SORCS3: variants seen among roughly 807,000 people sequenced by gnomAD.
SORCS3 encodes VPS10 domain-containing receptor SorCS3.
A neutral mutation model predicts 146.3 loss-of-function variants in SORCS3; 57 were observed. The ratio of observed to expected loss-of-function variants is 0.39; its 90% CI spans 0.31 to 0.49. The LOEUF (loss-of-function observed/expected upper bound fraction) is 0.49. Among genes scored for constraint, SORCS3 ranks in the 20% least tolerant of loss-of-function variants. SORCS3 has a pLI of 0.92. For missense variants in SORCS3, 1,341 were observed against 1,575.5 expected, an observed-to-expected ratio of 0.85 and a Z score of 2.52; for synonymous variants, 653 against 618.5, an observed-to-expected ratio of 1.06 and a Z score of -0.83.
chr10:104,996,944 T>C (rs2055031152), intron 4 of SORCS3, among the ~76,000 whole-genome samples: 1 of 152,014 alleles, frequency 6.6e-6, no homozygotes. Flanking sequence ...CGGGGATGTG[T>C]GGATGTTGAG....
At chr10:105,209,047 G>C (rs112932378) in intron 16 of SORCS3, among the ~76,000 whole-genome samples, 1 of 152,156 alleles carries the variant, frequency 6.6e-6, no homozygotes, top group Non-Finnish European at 1.5e-5. Flanking sequence ...TGGGCACTTG[G>C]GGCTACTCTC....
chr10:105,116,870 C>T (rs1021318686), intron 7 of SORCS3, among the ~76,000 whole-genome samples: 2 of 151,884 alleles, frequency 1.3e-5, no homozygotes, highest in South Asian at 2.1e-4. Context: ...AATGGTAGAC[C>T]CCGAGGCCTA....
chr10:105,216,572 C>T (rs116045197), intron 18 of SORCS3, among the ~76,000 whole-genome samples: 502 of 152,220 alleles, frequency 3.3e-3, no homozygotes, highest in African/African-American at 0.011. Flanking sequence ...TAACTATTAG[C>T]TGCTACTATG....
chr10:104,857,585 G>A (rs189371890), intron 2 of SORCS3, among the ~76,000 whole-genome samples: 325 of 152,280 alleles, frequency 2.1e-3, no homozygotes, highest in Non-Finnish European at 3.8e-3. Flanking sequence ...AATGAGGAAG[G>A]CAGGAAGTCA....
intron 1 of SORCS3, among the ~76,000 whole-genome samples, chr10:104,716,197 ATTTAT>A (rs2016476529): frequency 6.6e-6 from 1 of 151,900 alleles, no homozygotes; most frequent in Non-Finnish European, 1.5e-5. Flanking sequence ...TAATTTACTT[ATTTAT>A]TTTATGTATT....
intron 5 of SORCS3, among the ~76,000 whole-genome samples, chr10:105,057,135 T>C (rs2055450908): frequency 6.6e-6 from 1 of 152,176 alleles, no homozygotes; most frequent in Non-Finnish European, 1.5e-5. Context: ...CTTGGAAGCC[T>C]TATGGGTAGT....
chr10:104,787,898 A>T (rs1314802723), intron 1 of SORCS3, among the ~76,000 whole-genome samples: 1 of 152,182 alleles, frequency 6.6e-6, no homozygotes, highest in African/African-American at 2.4e-5. Context: ...AACAGGGCTT[A>T]CAATTGCAGA....
chr10:105,061,333 C>T (rs1457163814), intron 5 of SORCS3, among the ~76,000 whole-genome samples: 8 of 139,122 alleles, frequency 5.8e-5, no homozygotes, highest in African/African-American at 1.9e-4. Context: ...CTCGCTCTGT[C>T]ACCCAGGCTG....
chr10:104,852,767 C>T (rs1350173954), intron 2 of SORCS3, among the ~76,000 whole-genome samples: 1 of 152,202 alleles, frequency 6.6e-6, no homozygotes, highest in African/African-American at 2.4e-5. Context: ...GCTCCCTCCT[C>T]TTTATAATGA....
intron 1 of SORCS3, among the ~76,000 whole-genome samples, chr10:104,681,359 G>T (rs1249506078): frequency 1.3e-5 from 2 of 152,096 alleles, no homozygotes. Context: ...GCAGTGTGGG[G>T]GCTGCTGAGC....
intron 20 of SORCS3, among the ~76,000 whole-genome samples, chr10:105,226,492 A>G (rs961985450): frequency 1.3e-5 from 2 of 151,970 alleles, no homozygotes; most frequent in Non-Finnish European, 2.9e-5. Context: ...TCCTATATTC[A>G]TCGAGCCTAT....
At chr10:105,045,598 T>G (rs958275064) in intron 5 of SORCS3, among the ~76,000 whole-genome samples, 1 of 152,092 alleles carries the variant, frequency 6.6e-6, no homozygotes, top group Non-Finnish European at 1.5e-5. Flanking sequence ...AAGATATATG[T>G]TTTGTATAGG....
intron 1 of SORCS3, among the ~76,000 whole-genome samples, chr10:104,679,890 T>G (rs1390468286): frequency 1.3e-5 from 2 of 152,188 alleles, no homozygotes; most frequent in East Asian, 3.8e-4. Context: ...GCTATTGTGT[T>G]TTTTTAATTA....
chr10:104,659,233 G>T (rs1367496174), intron 1 of SORCS3, among the ~76,000 whole-genome samples: 1 of 152,054 alleles, frequency 6.6e-6, no homozygotes, highest in African/African-American at 2.4e-5. Flanking sequence ...TCCCTCTAAG[G>T]TCCTCTTAAA....
At chr10:104,668,185 G>A (rs1258268821) in intron 1 of SORCS3, among the ~76,000 whole-genome samples, 1 of 152,106 alleles carries the variant, frequency 6.6e-6, no homozygotes, top group Non-Finnish European at 1.5e-5. Flanking sequence ...GTGTGCACGC[G>A]CAATAGTAAA....
At chr10:104,987,602 A>C (rs2054969757) in intron 4 of SORCS3, among the ~76,000 whole-genome samples, 1 of 152,120 alleles carries the variant, frequency 6.6e-6, no homozygotes, top group Non-Finnish European at 1.5e-5. Flanking sequence ...CGTTTTTTTC[A>C]CTGTCGTCCT....
At chr10:104,906,268 A>T (rs1408444687) in intron 2 of SORCS3, among the ~76,000 whole-genome samples, 1 of 152,140 alleles carries the variant, frequency 6.6e-6, no homozygotes, top group African/African-American at 2.4e-5. Flanking sequence ...TTTTCCCTGG[A>T]CTTTAATTTG....
chr10:104,993,517 AG>A (rs1269453497), intron 4 of SORCS3, among the ~76,000 whole-genome samples: 2 of 152,340 alleles, frequency 1.3e-5, no homozygotes, highest in East Asian at 3.9e-4. Context: ...AGGGGAAAAA[AG>A]ATACGTTAGC....
At chr10:104,980,622 G>C (rs1394434208) in intron 4 of SORCS3, among the ~76,000 whole-genome samples, 1 of 152,236 alleles carries the variant, frequency 6.6e-6, no homozygotes, top group Non-Finnish European at 1.5e-5. Flanking sequence ...ATCAAAGGGA[G>C]ATGTTTGTGG....
Sources: allele counts gnomAD v4.1 joint callset (sites outside exome capture counted in the v4.1 genomes callset), GRCh38; gene constraint gnomAD v4.1.1; transcripts MANE v1.5; gene names NCBI Gene and HGNC (gene_info 2026-07-23, HGNC 2026-07-21).